The following FBXL2 variants were observed in gnomAD, a reference collection of about 807,000 sequenced individuals.
The protein encoded by FBXL2 is F-box and leucine rich repeat protein 2, also known as F-box/LRR-repeat protein 2.
In FBXL2, 38 loss-of-function variants were observed where a neutral mutation model predicts 69.2. That is an observed-to-expected ratio of 0.55 (90% CI 0.42 to 0.72). The LOEUF is 0.72. Ranked by LOEUF, FBXL2 falls within the 30% of genes least tolerant of loss-of-function variation. The pLI, the probability that FBXL2 is intolerant of heterozygous loss-of-function variation, is 0.00. For missense variants in FBXL2, 354 were observed against 520.3 expected, an observed-to-expected ratio of 0.68 and a Z score of 3.11; for synonymous variants, 192 against 201.3, an observed-to-expected ratio of 0.95 and a Z score of 0.39.
chr3:33,310,297 T>C (rs931217036), intron 2 of FBXL2, among the ~76,000 whole-genome samples: 2 of 151,702 alleles, frequency 1.3e-5, no homozygotes, highest in Admixed American at 6.6e-5. Context: ...GACTACAGGC[T>C]CACGCCACCA....
chr3:33,396,205 TTGCTGCTGCCCTTGCAGCACTG>T, intron 12 of FBXL2: 1 of 1,595,580 alleles, frequency 6.3e-7, no homozygotes. Context: ...TGCTTGCAGC[TTGCTGCTGCCCTTGCAGCACTG>T]TGCTGCTTGG....
downstream of FBXL2, chr3:33,388,160 G>A (rs2154053560): frequency 6.7e-6 from 1 of 149,516 alleles, no homozygotes; most frequent in East Asian, 1.9e-4. Context: ...TTAGTTAATG[G>A]AATAACAACA....
chr3:33,378,504 T>A (rs557347515), intron 12 of FBXL2, among the ~76,000 whole-genome samples, 181 bp from the exon 13 acceptor site: 1 of 152,296 alleles, frequency 6.6e-6, no homozygotes, highest in South Asian at 2.1e-4. Flanking sequence ...AGAACAGTTT[T>A]GCATCTCTAG....
intron 2 of FBXL2, among the ~76,000 whole-genome samples, chr3:33,307,938 T>C (rs935688719): frequency 4.6e-5 from 7 of 152,220 alleles, no homozygotes; most frequent in Admixed American, 1.3e-4. Context: ...TTTCAGTCCA[T>C]TGAAATTACC....
At chr3:33,338,910 C>T (rs2039792649) in intron 2 of FBXL2, among the ~76,000 whole-genome samples, 1 of 151,988 alleles carries the variant, frequency 6.6e-6, no homozygotes, top group Non-Finnish European at 1.5e-5. Context: ...TGCAGCAAAA[C>T]CAAAAATTGA....
intron 12 of FBXL2, chr3:33,393,201 GATTCTCATAAGT>G: frequency 8.9e-7 from 1 of 1,123,678 alleles, no homozygotes. Context: ...CTCTGAAAAT[GATTCTCATAAGT>G]ATTTTCAAAA....
At chr3:33,303,684 C>G (rs920603671) in intron 2 of FBXL2, among the ~76,000 whole-genome samples, 4 of 151,704 alleles carry the variant, frequency 2.6e-5, no homozygotes, top group African/African-American at 9.7e-5. Flanking sequence ...AAAATTATAC[C>G]ATACTAAAGA....
chr3:33,411,012 G>A, the FBXL2 span, among the ~76,000 whole-genome samples: 4 of 151,324 alleles, frequency 2.6e-5, no homozygotes, highest in African/African-American at 9.7e-5. Flanking sequence ...GGCGGAGATT[G>A]CAGTGAGCCG....
intron 9 of FBXL2, among the ~76,000 whole-genome samples, chr3:33,375,061 T>A (rs1291367823): frequency 1.3e-5 from 2 of 152,234 alleles, no homozygotes; most frequent in East Asian, 1.9e-4. Context: ...ATTTTTACTT[T>A]ATTTTTTCCT....
At chr3:33,342,272 T>C (rs1435033358) in intron 2 of FBXL2, among the ~76,000 whole-genome samples, 1 of 151,792 alleles carries the variant, frequency 6.6e-6, no homozygotes, top group Admixed American at 6.6e-5. Flanking sequence ...CCCAAAGTGC[T>C]GGGATTACAG....
At chr3:33,319,256 T>C (rs552625020) in intron 2 of FBXL2, among the ~76,000 whole-genome samples, 3 of 152,182 alleles carry the variant, frequency 2.0e-5, no homozygotes, top group Non-Finnish European at 4.4e-5. Flanking sequence ...GATGATTTTT[T>C]TTTTTAGTGA....
chr3:33,384,307 T>C, intron 14 of FBXL2, 106 bp downstream of exon 14: 1 of 1,106,738 alleles, frequency 9.0e-7, no homozygotes, highest in South Asian at 1.4e-5. Flanking sequence ...ACGCCTGTAA[T>C]CCCAACACTT....
intron 1 of FBXL2, among the ~76,000 whole-genome samples, chr3:33,277,779 C>A (rs1265968396): frequency 6.6e-6 from 1 of 152,094 alleles, no homozygotes; most frequent in African/African-American, 2.4e-5. Context: ...CGGACCCCCA[C>A]CCAGTGGGCC....
intron 5 of FBXL2, among the ~76,000 whole-genome samples, chr3:33,371,132 CCAGTA>C (rs755268452): frequency 8.6e-5 from 13 of 151,130 alleles, no homozygotes; most frequent in Non-Finnish European, 1.8e-4. Flanking sequence ...TTAATCTCAT[CCAGTA>C]AAGTTTTATA....
intron 2 of FBXL2, among the ~76,000 whole-genome samples, chr3:33,309,080 T>C (rs920087568): frequency 2.7e-4 from 41 of 152,178 alleles, no homozygotes; most frequent in Admixed American, 1.2e-3. Context: ...AAAATATGTC[T>C]GTTAGGTCCT....
downstream of FBXL2, chr3:33,389,557 A>G (rs549765769): frequency 6.6e-6 from 1 of 152,274 alleles, no homozygotes; most frequent in Admixed American, 6.5e-5. Flanking sequence ...AAAGGCAAGG[A>G]ATCTCCAAAA....
At chr3:33,412,703 T>C in the FBXL2 span, 2 of 1,524,478 alleles carry the variant, frequency 1.3e-6, no homozygotes, top group Non-Finnish European at 1.8e-6. Context: ...CTCCATGGTC[T>C]TTTGATCACT....
At chr3:33,349,049 A>G (rs2040646971) in intron 2 of FBXL2, among the ~76,000 whole-genome samples, 1 of 152,164 alleles carries the variant, frequency 6.6e-6, no homozygotes, top group Non-Finnish European at 1.5e-5. Flanking sequence ...ATAAGATCAT[A>G]TCATCATCAA....
intron 2 of FBXL2, 21 bp downstream of exon 2, chr3:33,297,746 G>C: frequency 7.1e-7 from 1 of 1,399,280 alleles, no homozygotes; most frequent in Non-Finnish European, 1.0e-6. Context: ...ATAAATTCTG[G>C]ATGAAGAGTT....
Sources: gnomAD v4.1 joint callset for allele counts (sites outside exome capture counted in the v4.1 genomes callset) on GRCh38, gnomAD v4.1.1 for gene constraint, MANE v1.5 for transcripts, NCBI Gene and HGNC (gene_info 2026-07-23, HGNC 2026-07-21) for gene names.